The following SPAG9 variants were observed in gnomAD, a reference collection of about 807,000 sequenced individuals.
The protein encoded by SPAG9 is C-Jun-amino-terminal kinase-interacting protein 4.
In SPAG9, 35 loss-of-function variants were observed where a neutral mutation model predicts 166.5. The observed-to-expected ratio is 0.21, with a 90% CI of 0.16 to 0.28. The LOEUF is 0.28. Ranked by LOEUF, SPAG9 falls within the 10% of genes least tolerant of loss-of-function variation. The pLI, the probability that SPAG9 is intolerant of heterozygous loss-of-function variation, is 1.00. For synonymous variants in SPAG9, 534 were observed against 565.5 expected, an observed-to-expected ratio of 0.94 and a Z score of 0.79; for missense variants, 1,235 against 1,603.3, an observed-to-expected ratio of 0.77 and a Z score of 3.92.
chr17:50,985,893 G>T, intron 22 of SPAG9, 115 bp from the exon 23 acceptor site: 1 of 579,284 alleles, frequency 1.7e-6, no homozygotes, highest in Non-Finnish European at 3.0e-6. Context: ...ACAAATTTTA[G>T]GAAAAGGTGC....
rs1264072624 is a variant in SPAG9, at chr17:50,970,754, G to C, written c.3803C>G (p.Ser1268Cys). 6.2e-7 allele frequency: 1 copy of C among 1,614,070 alleles called. No homozygotes were observed. The highest frequency in any genetic ancestry group is 8.5e-7 in the Non-Finnish European group (1 of 1,179,980). The part of the protein sequence containing the change: ...QEPGSQTPLK[S>C]MLVISGGEGY... ...CTCTCCTCCACTGATGACAAGCATA[G>C]ACTTCAAGGGCGTCTGACTACCAGG... Residue 1268 changes from serine to cysteine, a missense_variant, in exon 29 of 30, where the codon TCT becomes TGT. Around this residue, in one of 6 missense-constraint regions of SPAG9, gnomAD observed 243 missense variants for 358.6 expected, o/e 0.68. Coordinates refer to ENST00000262013, the MANE Select transcript of SPAG9 (RefSeq NM_001130528.3).
At position 51,005,179 on chromosome 17, in the gene SPAG9, G is replaced by C. The variant is rs770786814; in HGVS notation, c.1476+33C>G. The C allele has an allele frequency of 1.0e-5, 16 of 1,594,676 alleles. No homozygotes were observed. In the Admixed American group the frequency reaches 2.7e-4, roughly 27 times the overall value. The stretch of plus-strand genomic sequence containing the variant: ...TTCCCGAAACACCAAAACATGGTAA[G>C]GTAAGAAAAAAAGTCCAAAATTGTA... On this transcript the variant is annotated intron_variant, in intron 12 of 29. Coordinates refer to ENST00000262013, the MANE Select transcript of SPAG9 (RefSeq NM_001130528.3).
In SPAG9 at chr17:50,995,043, G is replaced by C; in HGVS notation, c.2226+14C>G. The C allele has an allele frequency of 6.2e-7, 1 of 1,603,146 alleles. No homozygotes were observed. The highest frequency in any genetic ancestry group is 1.3e-5 in the African/African-American group (1 of 74,790). The stretch of plus-strand genomic sequence containing the variant: ...GTCTCATAAACCAGGTCAAATGTTA[G>C]TACACACACTTACCTTAAGTTCCTG... On this transcript the variant is annotated intron_variant, in intron 18 of 29. Coordinates refer to ENST00000262013, the MANE Select transcript of SPAG9 (RefSeq NM_001130528.3).
intron 1 of SPAG9, among the ~76,000 whole-genome samples, chr17:51,116,969 G>A (rs2049307211): frequency 1.3e-5 from 2 of 152,114 alleles, no homozygotes; most frequent in African/African-American, 4.8e-5. Flanking sequence ...GTTAAAGAAT[G>A]GAGAGGTGTG....
At chr17:51,105,621 A>G (rs2048925515) in intron 1 of SPAG9, among the ~76,000 whole-genome samples, 1 of 152,146 alleles carries the variant, frequency 6.6e-6, no homozygotes, top group Admixed American at 6.6e-5. Context: ...CTGTAATCCC[A>G]GCACTTTGGG....
At chr17:50,981,383 C>T (rs1974585329) in intron 25 of SPAG9, among the ~76,000 whole-genome samples, 1 of 147,802 alleles carries the variant, frequency 6.8e-6, no homozygotes, top group South Asian at 2.1e-4. Context: ...GGATATTCAA[C>T]CTGTGTGTGG....
At chr17:51,019,548 C>G (rs2045849063) in intron 8 of SPAG9, among the ~76,000 whole-genome samples, 1 of 148,336 alleles carries the variant, frequency 6.7e-6, no homozygotes, top group African/African-American at 2.5e-5. Flanking sequence ...CAGAGCGAGA[C>G]TCCATCTCAA....
chr17:50,968,928 C>T (rs1451774078), intron 29 of SPAG9, among the ~76,000 whole-genome samples: 2 of 151,348 alleles, frequency 1.3e-5, no homozygotes, highest in Non-Finnish European at 2.9e-5. Flanking sequence ...GGAACCTTTC[C>T]TTTTTCTTTC....
chr17:51,053,341 T>C (rs1344435779), intron 3 of SPAG9, among the ~76,000 whole-genome samples: 3 of 151,692 alleles, frequency 2.0e-5, no homozygotes, highest in Middle Eastern at 3.4e-3. Flanking sequence ...CTGGGCAACA[T>C]AGTGAGACCT....
At chr17:51,046,577 G>A in intron 4 of SPAG9, 3 of 1,536,168 alleles carry the variant, frequency 2.0e-6, no homozygotes, top group Non-Finnish European at 2.6e-6. Flanking sequence ...GCAAAACAGA[G>A]AGAGATACTA....
intron 8 of SPAG9, among the ~76,000 whole-genome samples, chr17:51,019,676 A>T (rs1437667042): frequency 6.6e-6 from 1 of 152,184 alleles, no homozygotes; most frequent in Non-Finnish European, 1.5e-5. Context: ...AACATGGAGA[A>T]ACCCCGTCTC....
chr17:51,053,419 G>A (rs547219025), intron 3 of SPAG9, among the ~76,000 whole-genome samples: 5 of 152,158 alleles, frequency 3.3e-5, no homozygotes, highest in Admixed American at 1.3e-4. Context: ...AGGAGCGGTG[G>A]CTCACGCCTG....
rs377753534 is a variant in SPAG9 at position 51,096,038 on chromosome 17, GAT to G, written c.304-16336_304-16335del. On this transcript the variant is annotated intron_variant, in intron 1 of 29. Coordinates refer to ENST00000262013, the MANE Select transcript of SPAG9 (RefSeq NM_001130528.3). ...ATATATAGTGATATATATATATAGT[GAT>G]ATATATATATAGTGATATATATATA... Among the ~76,000 whole-genome samples, 106 of 92,602 alleles carry G rather than the reference GAT, an allele frequency of 1.1e-3. 2 individuals carry two copies. Among genetic ancestry groups the G allele is most frequent in the African/African-American group, 5.4e-3 (93 of 17,282 alleles). The allele number at this position is 92,602 out of a possible 152,430, so 60.8% of individuals were successfully genotyped here.
In SPAG9 at chr17:50,999,691, T is replaced by G. The variant is rs748709764; in HGVS notation, c.1634A>C (p.Gln545Pro). The change falls in exon 14 of 30, where the codon CAG (glutamine) becomes CCG (proline). Residue 545 changes from glutamine to proline, a missense_variant. Gln to Pro is a moderately conservative substitution (Grantham distance 76). Transcript: ENST00000262013. Reference protein sequence around the residue: ...IRASRENPAMQEKKRSSIWQF... With the variant: ...IRASRENPAMPEKKRSSIWQF... ...CCAAATGCTTGACCTTTTTTTTTCC[T>G]GCATGGCTGGATTTTCTCGTGATGC... 1 of 1,613,492 alleles carries G rather than the reference T, an allele frequency of 6.2e-7. No individual in the cohort carries two copies. Among genetic ancestry groups the G allele is most frequent in the Admixed American group, 1.7e-5 (1 of 59,986 alleles).
At chr17:51,006,269 CAAAT>C in intron 10 of SPAG9, 32 bp from the exon 11 acceptor site, 1 of 1,599,026 alleles carries the variant, frequency 6.3e-7, no homozygotes, top group Non-Finnish European at 8.6e-7. Flanking sequence ...TGCATCATTA[CAAAT>C]AAATATTCTT....
chr17:50,983,877 C>G (rs1002402044), intron 24 of SPAG9, among the ~76,000 whole-genome samples: 1 of 152,160 alleles, frequency 6.6e-6, no homozygotes, highest in Non-Finnish European at 1.5e-5. Context: ...AGCCCTCTCA[C>G]TCTTTGATGA....
intron 1 of SPAG9, among the ~76,000 whole-genome samples, chr17:51,088,205 T>G (rs1453314548): frequency 6.6e-6 from 1 of 152,190 alleles, no homozygotes; most frequent in African/African-American, 2.4e-5. Context: ...GTTAAGAGAC[T>G]AGGAAAAAGC....
chr17:50,998,021 GA>G (rs2044752998), intron 15 of SPAG9, among the ~76,000 whole-genome samples: 1 of 106,438 alleles, frequency 9.4e-6, no homozygotes, highest in African/African-American at 3.8e-5. Flanking sequence ...TTACAGAAAT[GA>G]TTTTTTTTTT....
intron 8 of SPAG9, among the ~76,000 whole-genome samples, chr17:51,017,252 A>G (rs1305657472): frequency 6.6e-6 from 1 of 152,214 alleles, no homozygotes; most frequent in East Asian, 1.9e-4. Context: ...AATTCATTAT[A>G]TACAAGAGAT....
Sources: gnomAD v4.1 joint callset for allele counts (sites outside exome capture counted in the v4.1 genomes callset) on GRCh38, gnomAD v4.1.1 for gene constraint, gnomAD v4.1.1 regional missense constraint, MANE v1.5 for transcripts, NCBI Gene and HGNC (gene_info 2026-07-23, HGNC 2026-07-21) for gene names.